OTUD7B: variants seen among roughly 807,000 people sequenced by gnomAD.
OTUD7B encodes OTU domain-containing protein 7B.
OTUD7B carries 34 observed loss-of-function variants against 82.2 expected under a neutral mutation model. That is an observed-to-expected ratio of 0.41 (90% CI 0.31 to 0.55). The LOEUF (loss-of-function observed/expected upper bound fraction) is 0.55, where lower values mean the gene tolerates loss of function less well. OTUD7B is among the 20% of genes least tolerant of loss of function. The pLI is 0.20. For synonymous variants in OTUD7B, 398 were observed against 402.7 expected (o/e 0.99, Z 0.14); for missense variants, 944 against 1,062.1 (o/e 0.89, Z 1.55).
At chr1:150,036,808 A>G in the OTUD7B span, among the ~76,000 whole-genome samples, 1 of 152,202 alleles carries the variant, frequency 6.6e-6, no homozygotes, top group Non-Finnish European at 1.5e-5. Context: ...TACTTAATAA[A>G]AAAATCTTTG....
At chr1:150,018,061 T>G in the OTUD7B span, among the ~76,000 whole-genome samples, 3 of 152,148 alleles carry the variant, frequency 2.0e-5, no homozygotes, top group Non-Finnish European at 4.4e-5. Flanking sequence ...GAGATGTCAA[T>G]GGAAGTCATT....
intron 6 of OTUD7B, chr1:149,963,282 T>C (rs1553775887): frequency 6.6e-6 from 1 of 151,832 alleles, no homozygotes; most frequent in Non-Finnish European, 1.5e-5. Context: ...AAAAAATAGA[T>C]ATACATAAAG....
chr1:149,960,389 CTTTTTTTCTT>C lies in OTUD7B; in HGVS notation c.733-603_733-594del, dbSNP rs1649063592. Among the ~76,000 whole-genome samples, 7 of 4,116 alleles carry C rather than the reference CTTTTTTTCTT, an allele frequency of 1.7e-3. 2 individuals are homozygous for C. The highest frequency in any genetic ancestry group is 0.024 in the South Asian group (1 of 42). The allele number at this position is 4,116 out of a possible 152,430, so 2.7% of individuals were successfully genotyped here. On this transcript the variant is annotated intron_variant, in intron 6 of 11. Coordinates refer to ENST00000581312, the MANE Select transcript of OTUD7B (RefSeq NM_020205.4). The stretch of plus-strand genomic sequence containing the variant: ...ATTTCTTTTCTTTTTCTTTTCTTTC[CTTTTTTTCTT>C]TTTTTTTTTTTTGTAGACAGAGTCA...
At position 149,944,969 on chromosome 1, in the gene OTUD7B, T is replaced by C. The variant is rs587715656; in HGVS notation, c.1420A>G (p.Ser474Gly). ...SGDSDKESVGSSSTSNEGGRR... is the reference protein window; with the variant it reads ...SGDSDKESVGGSSTSNEGGRR... ...CCGCCCTCGTTGCTGGTGGAACTGCTGCCAACTGACTCCTTGTCTGAGTCT... is the reference window on the plus strand; with the variant it reads ...CCGCCCTCGTTGCTGGTGGAACTGCCGCCAACTGACTCCTTGTCTGAGTCT... The change falls in exon 12 of 12, where the codon AGC (serine) becomes GGC (glycine). Residue 474 changes from serine (S) to glycine (G), a missense_variant. Around this residue, in one of 3 missense-constraint regions of OTUD7B, gnomAD observed 530 missense variants for 625.6 expected, o/e 0.85. Coordinates refer to ENST00000581312, the MANE Select transcript of OTUD7B (RefSeq NM_020205.4). 219 of 1,614,210 alleles carry C rather than the reference T, an allele frequency of 1.4e-4. No individual in the cohort carries two copies. The South Asian group carries it at 2.1e-3, about 16-fold the overall frequency.
chr1:149,959,697 C>T lies in OTUD7B; in HGVS notation c.832G>A (p.Ala278Thr), dbSNP rs970489063. The stretch of plus-strand genomic sequence containing the variant: ...AGCCATACTTACCCACCACAGTTGG[C>T]TCCATTGGTACCTAGATGCATTCGG... ...EPRMHLGTNG[A>T]NCGGVESSEE... The change falls in exon 7 of 12, where the codon GCC becomes ACC. Residue 278 changes from alanine (A) to threonine (T), a missense_variant. Around this residue, in one of 3 missense-constraint regions of OTUD7B, gnomAD observed 530 missense variants for 625.6 expected, o/e 0.85. Transcript: ENST00000581312. 1.2e-6 allele frequency: 2 copies of T among 1,611,494 alleles called. No individual in the cohort carries two copies. The highest frequency in any genetic ancestry group is 3.3e-5 in the Admixed American group (2 of 60,004).
intron 11 of OTUD7B, among the ~76,000 whole-genome samples, chr1:149,945,722 AATG>A (rs1553771929): frequency 1.3e-5 from 2 of 152,156 alleles, no homozygotes; most frequent in African/African-American, 4.8e-5. Context: ...TGGACGAAAT[AATG>A]ATCATCTCAA....
chr1:150,018,946 ACAGTATGGTGG>A, the OTUD7B span, among the ~76,000 whole-genome samples: 1 of 152,092 alleles, frequency 6.6e-6, no homozygotes, highest in South Asian at 2.1e-4. Flanking sequence ...ACTCAGCAAG[ACAGTATGGTGG>A]CTACTCCTAA....
chr1:149,974,293 A>G lies in OTUD7B; in HGVS notation c.86-3042T>C, dbSNP rs142350123. Among the ~76,000 whole-genome samples the G allele has an allele frequency of 4.6e-5, 7 of 152,114 alleles. No homozygotes were observed. The East Asian group carries it at 1.4e-3, about 30-fold the overall frequency. ...CCACCTCCTTCTATCTATTGCTACC[A>G]CCATAGTCTGCAACATCATCATCTG... On this transcript the variant is annotated intron_variant, in intron 2 of 11. Coordinates refer to ENST00000581312, the MANE Select transcript of OTUD7B (RefSeq NM_020205.4).
intron 1 of OTUD7B, among the ~76,000 whole-genome samples, chr1:149,994,714 A>G (rs1202602528): frequency 1.3e-5 from 2 of 152,002 alleles, no homozygotes; most frequent in Non-Finnish European, 2.9e-5. Context: ...GGGCTCAGGC[A>G]GTCCTCTTGC....
chr1:150,012,081 G>C (rs1168015775), upstream of OTUD7B, among the ~76,000 whole-genome samples: 1 of 152,328 alleles, frequency 6.6e-6, no homozygotes, highest in Middle Eastern at 3.4e-3. Context: ...ACATACAATA[G>C]AGGTTGACAA....
rs1263335607 is a variant in OTUD7B, at chr1:149,965,816, T to C, written c.565A>G (p.Thr189Ala). 5.0e-6 allele frequency: 8 copies of C among 1,613,948 alleles called. No homozygotes were observed. In the African/African-American group the frequency reaches 9.3e-5, roughly 19 times the overall value. The change falls in exon 5 of 12, where the codon ACT becomes GCT. Residue 189 changes from threonine (T) to alanine (A), a missense_variant. Transcript: ENST00000581312. Reference sequence around the variant, plus strand: ...TGCAGGAGGCAGTTCCCATCTCCAGTAGTTGCCAAAGGAAGCAGCCTCTGA... The same window carrying C: ...TGCAGGAGGCAGTTCCCATCTCCAGCAGTTGCCAAAGGAAGCAGCCTCTGA... The part of the protein sequence containing the change: ...TSQRLLPLAT[T>A]GDGNCLLHAA...
In OTUD7B at chr1:149,938,144, A is replaced by G. The variant is rs2092738338; in HGVS notation, c.*5713T>C. Reference sequence around the variant, plus strand: ...GGCCTCAACCTCTTGGGGGAAGAAAATATTTCCCAAGGTCTGTTGTAAAAA... The same window carrying G: ...GGCCTCAACCTCTTGGGGGAAGAAAGTATTTCCCAAGGTCTGTTGTAAAAA... On this transcript the variant is annotated 3_prime_UTR_variant, in exon 12 of 12. Transcript: ENST00000581312. 1 of 152,090 alleles carries G rather than the reference A, an allele frequency of 6.6e-6. No homozygotes were observed. The highest frequency in any genetic ancestry group is 2.4e-5 in the African/African-American group (1 of 41,344). The allele number at this position is 152,090 out of a possible 1,614,324, so 9.4% of individuals were successfully genotyped here. A position where few individuals can be genotyped will look rare whatever the true frequency, so the allele number is the denominator to read the frequency against.
chr1:149,952,447 C>T (rs1648335042), intron 7 of OTUD7B, among the ~76,000 whole-genome samples: 1 of 152,124 alleles, frequency 6.6e-6, no homozygotes, highest in South Asian at 2.1e-4. Flanking sequence ...TCCAGTCTAT[C>T]ATTGTTGGAC....
At chr1:150,025,364 G>A in the OTUD7B span, among the ~76,000 whole-genome samples, 5 of 151,904 alleles carry the variant, frequency 3.3e-5, no homozygotes, top group Non-Finnish European at 5.9e-5. Flanking sequence ...GCAGTGAGCC[G>A]AGATCGTGCC....
chr1:150,015,393 A>G (rs587622690), upstream of OTUD7B, among the ~76,000 whole-genome samples: 7 of 148,016 alleles, frequency 4.7e-5, no homozygotes, highest in East Asian at 1.2e-3. Context: ...TCCCGGGTTC[A>G]AGCAATTCTC....
the OTUD7B span, chr1:150,053,987 C>T: frequency 2.6e-6 from 1 of 378,528 alleles, no homozygotes; most frequent in East Asian, 5.1e-5. Context: ...GAACAGGAAG[C>T]CCCATTGCAG....
chr1:150,040,649 C>T, the OTUD7B span, among the ~76,000 whole-genome samples: 1 of 151,546 alleles, frequency 6.6e-6, no homozygotes, highest in East Asian at 1.9e-4. Context: ...ATGAATTTGT[C>T]TCTTCTTTAG....
intron 7 of OTUD7B, among the ~76,000 whole-genome samples, chr1:149,956,868 ATGGTT>A (rs1275494017): frequency 6.6e-6 from 1 of 152,166 alleles, no homozygotes; most frequent in Non-Finnish European, 1.5e-5. Context: ...TTCTTATGCC[ATGGTT>A]TTCAGCTCCA....
chr1:149,983,574 A>G (rs1291132070), intron 1 of OTUD7B, among the ~76,000 whole-genome samples: 1 of 152,224 alleles, frequency 6.6e-6, no homozygotes, highest in South Asian at 2.1e-4. Context: ...CAAATTGGGA[A>G]AGGAAGAACG....
Sources: allele counts gnomAD v4.1 joint callset (sites outside exome capture counted in the v4.1 genomes callset), GRCh38; gene constraint gnomAD v4.1.1; regional missense constraint gnomAD v4.1.1; transcripts MANE v1.5; gene names NCBI Gene and HGNC (gene_info 2026-07-23, HGNC 2026-07-21).